Variants in PHACTR1 observed in about 807,000 individuals in gnomAD.
The protein encoded by PHACTR1 is RPEL repeat containing 1.
A neutral mutation model predicts 69.2 loss-of-function variants in PHACTR1; 16 were observed. The observed-to-expected ratio is 0.23, with a 90% CI of 0.16 to 0.35. The LOEUF (loss-of-function observed/expected upper bound fraction) is 0.35, where lower values mean the gene tolerates loss of function less well. Ranked by LOEUF, PHACTR1 falls within the 10% of genes least tolerant of loss-of-function variation. The pLI is 1.00. For missense variants in PHACTR1, 510 were observed against 734.7 expected, an observed-to-expected ratio of 0.69 and a Z score of 3.54; for synonymous variants, 312 against 284.5, an observed-to-expected ratio of 1.10 and a Z score of -0.97.
At chr6:13,088,464 T>C (rs892369643) in intron 5 of PHACTR1, among the ~76,000 whole-genome samples, 1 of 152,308 alleles carries the variant, frequency 6.6e-6, no homozygotes, top group South Asian at 2.1e-4. Context: ...AATATCTACC[T>C]AGGTGGTTCT....
At chr6:13,008,213 C>T (rs1400423808) in intron 4 of PHACTR1, among the ~76,000 whole-genome samples, 1 of 152,198 alleles carries the variant, frequency 6.6e-6, no homozygotes, top group Non-Finnish European at 1.5e-5. Flanking sequence ...GGCTTCAAAA[C>T]ACAGTTGGCA....
chr6:13,079,093 A>C (rs9463431), intron 5 of PHACTR1, among the ~76,000 whole-genome samples: 3,473 of 152,272 alleles, frequency 0.023, 131 homozygotes, highest in African/African-American at 0.078. Flanking sequence ...ATTTTTCCAG[A>C]TCCACCTTCA....
intron 4 of PHACTR1, among the ~76,000 whole-genome samples, chr6:12,857,544 A>G (rs1312475778): frequency 6.6e-6 from 1 of 151,686 alleles, no homozygotes; most frequent in Non-Finnish European, 1.5e-5. Flanking sequence ...CTGAGGTTGC[A>G]GTGAGCTGAG....
chr6:13,110,534 T>G (rs1442567549), intron 5 of PHACTR1, among the ~76,000 whole-genome samples: 2 of 152,208 alleles, frequency 1.3e-5, no homozygotes, highest in Non-Finnish European at 2.9e-5. Context: ...ATTTCTGTAG[T>G]TCTGCTCCGT....
chr6:13,006,181 T>C (rs1415959030), intron 4 of PHACTR1, among the ~76,000 whole-genome samples: 1 of 152,232 alleles, frequency 6.6e-6, no homozygotes, highest in Non-Finnish European at 1.5e-5. Context: ...TAAGAACCTA[T>C]GCATCCTATT....
At position 12,925,731 on chromosome 6, in the gene PHACTR1, C is replaced by T. The variant is rs555640177; in HGVS notation, c.251-127634C>T. On this transcript the variant is annotated intron_variant, in intron 4 of 14. Transcript: ENST00000332995. ...ATTTACACTGATATTACAGAAAGCC[C>T]AGAATTCAACTCCAAAGGTGAGTAA... Among the ~76,000 whole-genome samples the T allele has an allele frequency of 1.4e-4, 22 of 152,188 alleles. No individual in the cohort carries two copies. In the South Asian group the frequency reaches 4.4e-3, roughly 30 times the overall value.
At chr6:12,759,647 G>GA (rs1001325502) in intron 4 of PHACTR1, among the ~76,000 whole-genome samples, 1 of 151,918 alleles carries the variant, frequency 6.6e-6, no homozygotes, top group African/African-American at 2.4e-5. Flanking sequence ...CAGTCAGAAG[G>GA]AAAAAAATGA....
chr6:12,867,074 A>C (rs1368912083), intron 4 of PHACTR1, among the ~76,000 whole-genome samples: 1 of 152,176 alleles, frequency 6.6e-6, no homozygotes, highest in Non-Finnish European at 1.5e-5. Context: ...AAGCTGCATC[A>C]GGCACTGGTG....
At chr6:13,215,173 C>T (rs1767475486) in intron 8 of PHACTR1, among the ~76,000 whole-genome samples, 1 of 152,202 alleles carries the variant, frequency 6.6e-6, no homozygotes, top group Admixed American at 6.5e-5. Flanking sequence ...TTGCTGAGTA[C>T]ATTTTCTAGA....
At chr6:13,025,142 C>T (rs981416002) in intron 4 of PHACTR1, among the ~76,000 whole-genome samples, 1 of 152,048 alleles carries the variant, frequency 6.6e-6, no homozygotes, top group African/African-American at 2.4e-5. Context: ...ATAGTCCCAG[C>T]TGCTTGGGAG....
chr6:13,184,060 G>C (rs1338805121), intron 7 of PHACTR1, among the ~76,000 whole-genome samples: 2 of 152,232 alleles, frequency 1.3e-5, no homozygotes, highest in African/African-American at 4.8e-5. Flanking sequence ...AGATGAAAAG[G>C]TTGATTTAAA....
intron 4 of PHACTR1, among the ~76,000 whole-genome samples, chr6:12,779,580 T>C (rs1348214185): frequency 6.6e-6 from 1 of 152,202 alleles, no homozygotes; most frequent in African/African-American, 2.4e-5. Context: ...TAGTTCCATT[T>C]CCACTTATTT....
intron 4 of PHACTR1, among the ~76,000 whole-genome samples, chr6:12,922,259 A>G (rs954785514): frequency 6.6e-6 from 1 of 152,226 alleles, no homozygotes; most frequent in Non-Finnish European, 1.5e-5. Flanking sequence ...AATTGGAATA[A>G]AAAATGACTC....
chr6:12,887,069 A>G (rs904613625), intron 4 of PHACTR1, among the ~76,000 whole-genome samples: 2 of 151,588 alleles, frequency 1.3e-5, no homozygotes, highest in Admixed American at 6.6e-5. Flanking sequence ...TTTCTTTTTA[A>G]TGAGCTGGAG....
chr6:13,051,260 T>A (rs1805897675), intron 4 of PHACTR1, among the ~76,000 whole-genome samples: 1 of 152,198 alleles, frequency 6.6e-6, no homozygotes. Context: ...TACCTCTGCA[T>A]GTGAGCTCTA....
chr6:13,233,966 G>C (rs928284370), intron 10 of PHACTR1, among the ~76,000 whole-genome samples: 24 of 152,200 alleles, frequency 1.6e-4, no homozygotes, highest in South Asian at 2.1e-4. Flanking sequence ...AGACTGTCAG[G>C]CATGCCTAGC....
At chr6:13,155,139 C>T (rs769440341) in intron 5 of PHACTR1, among the ~76,000 whole-genome samples, 6 of 152,166 alleles carry the variant, frequency 3.9e-5, no homozygotes, top group Non-Finnish European at 8.8e-5. Context: ...AACCCCAGGT[C>T]TTAGAAGGCC....
At chr6:13,155,660 C>T (rs377021457) in intron 5 of PHACTR1, among the ~76,000 whole-genome samples, 3 of 152,176 alleles carry the variant, frequency 2.0e-5, no homozygotes, top group African/African-American at 4.8e-5. Context: ...GAGGCCAAGG[C>T]GGGCAGATCA....
intron 5 of PHACTR1, among the ~76,000 whole-genome samples, chr6:13,147,729 A>C (rs936500400): frequency 6.6e-6 from 1 of 152,178 alleles, no homozygotes; most frequent in Non-Finnish European, 1.5e-5. Flanking sequence ...TGAGTGTTTT[A>C]TTCCCCCTCA....
Sources: gnomAD v4.1 joint callset for allele counts (sites outside exome capture counted in the v4.1 genomes callset) on GRCh38, gnomAD v4.1.1 for gene constraint, MANE v1.5 for transcripts, NCBI Gene and HGNC (gene_info 2026-07-23, HGNC 2026-07-21) for gene names.